ZBTB1: variants seen among roughly 807,000 people sequenced by gnomAD.
ZBTB1 encodes zinc finger and BTB domain containing 1, also known as zinc finger and BTB domain-containing protein 1.
ZBTB1 carries 13 observed loss-of-function variants against 51.6 expected under a neutral mutation model. The observed-to-expected ratio is 0.25, with a 90% CI of 0.16 to 0.40. The LOEUF is 0.40. Among genes scored for constraint, ZBTB1 ranks in the 10% least tolerant of loss-of-function variants. The pLI is 1.00. For missense variants in ZBTB1, 567 were observed against 856.5 expected (o/e 0.66, Z 4.22); for synonymous variants, 240 against 282.2 (o/e 0.85, Z 1.50).
In ZBTB1 at chr14:64,523,038, A is replaced by G. The variant is rs373384959; in HGVS notation, c.1534A>G (p.Arg512Gly). Reference sequence around the variant, plus strand: ...GTTTGTTGAAATGCTGGATGATTTTAGGGACAATCATTACCAGATAAACAG... The same window carrying G: ...GTTTGTTGAAATGCTGGATGATTTTGGGGACAATCATTACCAGATAAACAG... ...DMFVEMLDDF[R>G]DNHYQINSIQ... Residue 512 changes from arginine (R) to glycine (G), a missense_variant, in exon 2 of 2, where the codon AGG becomes GGG. By Grantham distance (125) the Arg-to-Gly change is moderately radical (BLOSUM62 -2). Transcript: ENST00000683701. This position sits in a 1 kb window ranked among gnomAD's most constrained non-coding sequence, Gnocchi z 4.5. 5.0e-6 allele frequency: 8 copies of G among 1,614,100 alleles called. No individual in the cohort carries two copies. Among genetic ancestry groups the G allele is most frequent in the Non-Finnish European group, 5.9e-6 (7 of 1,180,026 alleles).
chr14:64,516,786 G>A (rs1309410778), intron 1 of ZBTB1: 1 of 152,184 alleles, frequency 6.6e-6, no homozygotes, highest in East Asian at 1.9e-4. Flanking sequence ...GAATAAATGT[G>A]CATTAAAATG....
At chr14:64,506,346 A>G (rs578115151) in intron 1 of ZBTB1, among the ~76,000 whole-genome samples, 44 of 152,308 alleles carry the variant, frequency 2.9e-4, no homozygotes, top group African/African-American at 1.1e-3. Context: ...CAGCCTGGCC[A>G]ACATGGCGAA....
In ZBTB1 at chr14:64,524,106, A is replaced by G; in HGVS notation, c.*460A>G. The G allele has an allele frequency of 1.0e-6, 1 of 984,682 alleles. No homozygotes were observed. The highest frequency in any genetic ancestry group is 1.2e-6 in the Non-Finnish European group (1 of 829,414). The allele number at this position is 984,682 out of a possible 1,614,324, so 61.0% of individuals were successfully genotyped here. On this transcript the variant is annotated 3_prime_UTR_variant, in exon 2 of 2. Coordinates refer to ENST00000683701, the MANE Select transcript of ZBTB1 (RefSeq NM_001123329.2). ...TATCCCGTTTGCTTTTAGTGAGTTA[A>G]CTACTCTTTATTCCCCCTTATTAAT...
intron 1 of ZBTB1, chr14:64,518,365 T>C (rs2079818698): frequency 6.6e-6 from 1 of 152,192 alleles, no homozygotes; most frequent in African/African-American, 2.4e-5. Flanking sequence ...ACTTGAAACT[T>C]GATCTGGCTT....
intron 1 of ZBTB1, among the ~76,000 whole-genome samples, chr14:64,509,644 C>G (rs914987265): frequency 1.3e-5 from 2 of 152,084 alleles, no homozygotes; most frequent in Non-Finnish European, 2.9e-5. Flanking sequence ...ACTGGAGCCA[C>G]AAAATTGGAA....
chr14:64,530,990 A>G (rs2079938121), intron 2 of ZBTB1, among the ~76,000 whole-genome samples: 1 of 152,232 alleles, frequency 6.6e-6, no homozygotes. Flanking sequence ...ATTATTTCAT[A>G]TCAGAGTCAG....
At chr14:64,517,150 C>T (rs903587332) in intron 1 of ZBTB1, among the ~76,000 whole-genome samples, 11 of 152,154 alleles carry the variant, frequency 7.2e-5, no homozygotes, top group Non-Finnish European at 1.6e-4. Flanking sequence ...TTACAACATC[C>T]ACTATTACTT....
At chr14:64,507,579 C>G (rs2079679186) in intron 1 of ZBTB1, among the ~76,000 whole-genome samples, 1 of 152,162 alleles carries the variant, frequency 6.6e-6, no homozygotes, top group African/African-American at 2.4e-5. Flanking sequence ...TGTGGTGATT[C>G]ATGGACTCAT....
rs182415614 is a variant in ZBTB1, at chr14:64,520,147, G to A, written c.-18-1340G>A. 5.7e-4 allele frequency among the ~76,000 whole-genome samples: 86 copies of A among 152,054 alleles called. 2 individuals carry two copies. The East Asian group carries it at 0.016, about 29-fold the overall frequency. On this transcript the variant is annotated intron_variant, in intron 1 of 1. Transcript: ENST00000683701. ...CTCCTGAGTAGCTGGGAATACAGGCGCCCACCACCACGCCTGGCTAATTTT... is the reference window on the plus strand; with the variant it reads ...CTCCTGAGTAGCTGGGAATACAGGCACCCACCACCACGCCTGGCTAATTTT...
At position 64,521,684 on chromosome 14, in the gene ZBTB1, T is replaced by C. The variant is rs780113728; in HGVS notation, c.180T>C (p.Thr60=). 1 of 1,614,088 alleles carries C rather than the reference T, an allele frequency of 6.2e-7. No individual in the cohort carries two copies. The highest frequency in any genetic ancestry group is 1.3e-5 in the African/African-American group (1 of 74,952). ...RMFFMNHQHS[T]AQLNLSNMKI... Reference sequence around the variant, plus strand: ...TTTTCATGAACCATCAGCATAGTACTGCACAACTGAATCTCAGCAACATGA... The same window carrying C: ...TTTTCATGAACCATCAGCATAGTACCGCACAACTGAATCTCAGCAACATGA... Residue 60 remains threonine, a synonymous_variant, in exon 2 of 2, where the codon ACT becomes ACC. Coordinates refer to ENST00000683701, the MANE Select transcript of ZBTB1 (RefSeq NM_001123329.2).
At chr14:64,505,210 C>G (rs905330952) in intron 1 of ZBTB1, 1 of 298,866 alleles carries the variant, frequency 3.3e-6, no homozygotes, top group Non-Finnish European at 6.1e-6. Flanking sequence ...TAGTTACCTT[C>G]TTTTCTTTCT....
intron 1 of ZBTB1, among the ~76,000 whole-genome samples, chr14:64,508,365 T>C (rs1258145197): frequency 6.6e-6 from 1 of 152,136 alleles, no homozygotes. Context: ...CATGCTCTGG[T>C]GGACAGTGGG....
exon 3 of ZBTB1, chr14:64,532,109 G>A: frequency 4.0e-6 from 2 of 504,632 alleles, no homozygotes; most frequent in African/African-American, 2.0e-5. Context: ...ATTGATTCAT[G>A]GTGACTCTAA....
intron 1 of ZBTB1, chr14:64,518,514 G>GGGGCGT (rs1438457989): frequency 6.6e-6 from 1 of 152,140 alleles, no homozygotes; most frequent in Non-Finnish European, 1.5e-5. Context: ...GGTAGTAAAA[G>GGGGCGT]GGGCGTATGA....
intron 1 of ZBTB1, among the ~76,000 whole-genome samples, chr14:64,508,304 T>TTAA (rs1326901716): frequency 1.3e-5 from 2 of 152,084 alleles, no homozygotes; most frequent in African/African-American, 4.8e-5. Context: ...CATGCAGTCG[T>TTAA]TTTTAGAGAT....
chr14:64,505,391 CGAGG>C (rs905364531), intron 1 of ZBTB1, among the ~76,000 whole-genome samples: 9 of 152,220 alleles, frequency 5.9e-5, no homozygotes, highest in African/African-American at 1.4e-4. Context: ...GGGCGCGCTC[CGAGG>C]GAGGAGGCGT....
At chr14:64,517,835 G>T (rs1459277039) in intron 1 of ZBTB1, among the ~76,000 whole-genome samples, 2 of 127,092 alleles carry the variant, frequency 1.6e-5, no homozygotes, top group Admixed American at 1.9e-4. Flanking sequence ...CCAGGCTGGA[G>T]TACAGTGGCA....
rs1161445906 is a variant in ZBTB1 at position 64,522,145 on chromosome 14, G to A, written c.641G>A (p.Arg214Gln). Residue 214 changes from arginine to glutamine, a missense_variant, in exon 2 of 2, where the codon CGG becomes CAG. This residue lies in a region of ZBTB1 where 26 missense variants were observed against 67.0 expected (regional missense o/e 0.39). Coordinates refer to ENST00000683701, the MANE Select transcript of ZBTB1 (RefSeq NM_001123329.2). ...GAACGTGTGTCAAGACGCTTTGGGCGGAGTTTTACCTGTGATAGCTGTGGA... is the reference window on the plus strand; with the variant it reads ...GAACGTGTGTCAAGACGCTTTGGGCAGAGTTTTACCTGTGATAGCTGTGGA... Reference protein sequence around the residue: ...PKERVSRRFGRSFTCDSCGFG... With the variant: ...PKERVSRRFGQSFTCDSCGFG... 2 of 1,614,172 alleles carry A rather than the reference G, an allele frequency of 1.2e-6. No individual in the cohort carries two copies. Among genetic ancestry groups the A allele is most frequent in the Non-Finnish European group, 1.7e-6 (2 of 1,180,026 alleles).
Position 64,524,481 on chromosome 14 carries a change from G to A in ZBTB1, c.*835G>A. On this transcript the variant is annotated 3_prime_UTR_variant, in exon 2 of 2. Transcript: ENST00000683701. ...ATATTCTGATTTCTAAAGTGTGTTAGCTTATCAATTATTTTTGTTTATAAA... is the reference window on the plus strand; with the variant it reads ...ATATTCTGATTTCTAAAGTGTGTTAACTTATCAATTATTTTTGTTTATAAA... 1.1e-6 allele frequency: 1 copy of A among 871,812 alleles called. No individual in the cohort carries two copies. The highest frequency in any genetic ancestry group is 5.3e-5 in the South Asian group (1 of 18,914). The allele number at this position is 871,812 out of a possible 1,614,324, so 54.0% of individuals were successfully genotyped here.
Sources: gnomAD v4.1 joint callset for allele counts (sites outside exome capture counted in the v4.1 genomes callset) on GRCh38, gnomAD v4.1.1 for gene constraint, gnomAD v4.1.1 regional missense constraint, Gnocchi (gnomAD v3.1) non-coding constraint, MANE v1.5 for transcripts, NCBI Gene and HGNC (gene_info 2026-07-23, HGNC 2026-07-21) for gene names.